The following ZNF157 variants were observed in gnomAD, a reference collection of about 807,000 sequenced individuals.
ZNF157 encodes the protein zinc finger protein 157.
A neutral mutation model predicts 9.4 loss-of-function variants in ZNF157; 8 were observed. The observed-to-expected ratio is 0.85, with a 90% CI of 0.50 to 1.53. The LOEUF (loss-of-function observed/expected upper bound fraction) is 1.53, where lower values mean the gene tolerates loss of function less well. Among genes scored for constraint, ZNF157 ranks in the 40% most tolerant of loss-of-function variants. The pLI is 0.00. For missense variants in ZNF157, 316 were observed against 385.2 expected (o/e 0.82, Z 1.50); for synonymous variants, 120 against 130.8 (o/e 0.92, Z 0.56).
intron 1 of ZNF157, among the ~76,000 whole-genome samples, chrX:47,407,699 CT>C (rs887091708): frequency 1.8e-5 from 2 of 108,484 alleles, no homozygotes; most frequent in Admixed American, 1.0e-4. Context: ...TTCTTTTTTT[CT>C]TTTTTTTTGA....
chrX:47,408,126 G>A, intron 1 of ZNF157, among the ~76,000 whole-genome samples: 1 of 109,342 alleles, frequency 9.1e-6, no homozygotes, highest in East Asian at 2.9e-4. Flanking sequence ...TTTTTAGACG[G>A]AGTTTCACTC....
chrX:47,370,731 A>T lies in ZNF157; in HGVS notation c.63A>T (p.Arg21Ser), dbSNP rs755225735. Residue 21 changes from arginine to serine, a missense_variant, in exon 1 of 4, where the codon AGA becomes AGT. Physicochemically the swap from Arg to Ser is moderately radical, Grantham distance 110. Coordinates refer to ENST00000377073, the MANE Select transcript of ZNF157 (RefSeq NM_003446.4). ...CCCTGATTCCAGGAGAACCTGGCAG[A>T]TCTTTTGAGGTAAGGAGGAGGATCC... ...FPALIPGEPG[R>S]SFEGSVSFED... 3.3e-6 allele frequency: 4 copies of T among 1,201,166 alleles called. No homozygotes were observed. The highest frequency in any genetic ancestry group is 4.5e-6 in the Non-Finnish European group (4 of 889,755).
At chrX:47,391,796 C>T (rs1315515084) in intron 1 of ZNF157, among the ~76,000 whole-genome samples, 1 of 111,501 alleles carries the variant, frequency 9.0e-6, no homozygotes, top group Non-Finnish European at 1.9e-5. Context: ...GTGATCCACT[C>T]GCCTTGGCCT....
At chrX:47,402,165 G>A (rs1328456741) in intron 1 of ZNF157, among the ~76,000 whole-genome samples, 1 of 111,855 alleles carries the variant, frequency 8.9e-6, no homozygotes, top group African/African-American at 3.2e-5. Context: ...GAAGCAGCTT[G>A]TCAATTTCTA....
In ZNF157 at chrX:47,394,194, C is replaced by A. The variant is rs779697473; in HGVS notation, c.73-16082C>A. On this transcript the variant is annotated intron_variant, in intron 1 of 3. Coordinates refer to ENST00000377073, the MANE Select transcript of ZNF157 (RefSeq NM_003446.4). ...AGCCAGGATGGTCTCGATCTCATGA[C>A]CTCGTGATCTGCCCACCTCGGCCTC... 2.7e-5 allele frequency among the ~76,000 whole-genome samples: 3 copies of A among 110,665 alleles called. No homozygotes were observed. The South Asian group carries it at 1.1e-3, about 42-fold the overall frequency.
At chrX:47,372,419 G>T (rs1442088175) in intron 1 of ZNF157, among the ~76,000 whole-genome samples, 1 of 110,213 alleles carries the variant, frequency 9.1e-6, no homozygotes, top group Non-Finnish European at 1.9e-5. Context: ...CCCAGAGAGC[G>T]CATGAAGACT....
At chrX:47,402,487 G>A (rs952786325) in intron 1 of ZNF157, among the ~76,000 whole-genome samples, 6 of 109,456 alleles carry the variant, frequency 5.5e-5, no homozygotes, top group East Asian at 2.8e-4. Context: ...TGTAGTTTTC[G>A]GCTTATATAG....
chrX:47,409,003 G>A (rs2055955462), intron 1 of ZNF157, among the ~76,000 whole-genome samples: 2 of 111,912 alleles, frequency 1.8e-5, no homozygotes, highest in South Asian at 7.4e-4. Flanking sequence ...CTCAAACTCT[G>A]TACTTGGTGC....
At chrX:47,406,467 C>T (rs998942399) in intron 1 of ZNF157, among the ~76,000 whole-genome samples, 5 of 110,654 alleles carry the variant, frequency 4.5e-5, no homozygotes, top group African/African-American at 9.8e-5. Flanking sequence ...TTGGCCTCCC[C>T]GGTTGAAGCG....
At chrX:47,390,066 T>C (rs916302167) in intron 1 of ZNF157, 2 of 111,821 alleles carry the variant, frequency 1.8e-5, no homozygotes, top group African/African-American at 3.2e-5. Context: ...CAGCACTCTT[T>C]TTCTGGCTGG....
At chrX:47,392,518 G>A (rs1485326383) in intron 1 of ZNF157, among the ~76,000 whole-genome samples, 1 of 111,760 alleles carries the variant, frequency 8.9e-6, no homozygotes, top group Non-Finnish European at 1.9e-5. Flanking sequence ...CATTCACCGT[G>A]CCTGGGTGTT....
chrX:47,382,879 T>C (rs2055868048), intron 1 of ZNF157, among the ~76,000 whole-genome samples: 1 of 110,295 alleles, frequency 9.1e-6, no homozygotes, highest in Admixed American at 9.8e-5. Context: ...TAAGGGGTCT[T>C]TTTGCATAGG....
chrX:47,397,200 A>G (rs2055915908), intron 1 of ZNF157, among the ~76,000 whole-genome samples: 1 of 103,764 alleles, frequency 9.6e-6, no homozygotes, highest in Non-Finnish European at 2.0e-5. Context: ...ACTCTTCTTT[A>G]TCTTCATTGT....
chrX:47,381,057 A>G (rs1238059695), intron 1 of ZNF157, among the ~76,000 whole-genome samples: 59 of 32,900 alleles, frequency 1.8e-3, no homozygotes, highest in East Asian at 2.8e-3. Flanking sequence ...AGAAGGAGGA[A>G]GAGCAGGAGG....
intron 1 of ZNF157, among the ~76,000 whole-genome samples, chrX:47,398,935 G>A (rs916927929): frequency 1.8e-5 from 2 of 111,547 alleles, no homozygotes; most frequent in African/African-American, 6.5e-5. Context: ...GCCTCTCAAA[G>A]TGCTGGGATT....
chrX:47,380,570 C>A (rs1021056820), intron 1 of ZNF157, among the ~76,000 whole-genome samples: 3 of 109,864 alleles, frequency 2.7e-5, no homozygotes, highest in African/African-American at 9.9e-5. Flanking sequence ...AGGTTATATA[C>A]CAGTTAAACT....
At position 47,413,811 on chromosome X, in the gene ZNF157, T is replaced by G; in HGVS notation, c.*217T>G. 1 of 428,651 alleles carries G rather than the reference T, an allele frequency of 2.3e-6. No homozygotes were observed. 35.3% of individuals were successfully genotyped at this position (428,651 alleles called of 1,213,427 possible). A position where few individuals can be genotyped will look rare whatever the true frequency, so the allele number is the denominator to read the frequency against. On this transcript the variant is annotated 3_prime_UTR_variant, in exon 4 of 4. Transcript: ENST00000377073. ...TGGGTTTTTTCTTCTGTGCATTGAC[T>G]GTTCATGTCCTCTGCTCATTGTTTT...
intron 1 of ZNF157, among the ~76,000 whole-genome samples, chrX:47,389,649 C>A (rs1390207245): frequency 1.8e-5 from 2 of 111,792 alleles, no homozygotes; most frequent in Non-Finnish European, 3.8e-5. Context: ...GCCTGTAATC[C>A]CAGCACTTTG....
At chrX:47,394,252 G>A (rs997111842) in intron 1 of ZNF157, among the ~76,000 whole-genome samples, 1 of 111,165 alleles carries the variant, frequency 9.0e-6, no homozygotes, top group Non-Finnish European at 1.9e-5. Context: ...GTGAGCCACC[G>A]CGCCTGGCCC....
Sources: allele counts gnomAD v4.1 joint callset (sites outside exome capture counted in the v4.1 genomes callset), GRCh38; gene constraint gnomAD v4.1.1; transcripts MANE v1.5; gene names NCBI Gene and HGNC (gene_info 2026-07-23, HGNC 2026-07-21).